Variants in DRC11 observed in about 807,000 individuals in gnomAD.
The protein encoded by DRC11 is IQ and AAA domain-containing protein 1.
the DRC11 span, among the ~76,000 whole-genome samples, chr2:236,468,442 T>C: frequency 1.3e-5 from 2 of 152,182 alleles, no homozygotes; most frequent in Non-Finnish European, 2.9e-5. Context: ...AAAATTACTT[T>C]TTAAAGTAAT....
chr2:236,409,806 T>C, the DRC11 span, among the ~76,000 whole-genome samples: 1 of 151,994 alleles, frequency 6.6e-6, no homozygotes. Context: ...TTATTGAGAG[T>C]TTTTAGCATG....
chr2:236,331,556 T>C, the DRC11 span: 1 of 1,613,970 alleles, frequency 6.2e-7, no homozygotes, highest in East Asian at 2.2e-5. This position sits in a 1 kb window ranked among gnomAD's most constrained non-coding sequence, Gnocchi z 4.8. Context: ...AAGGCACTGG[T>C]GAGGACTCCT....
At chr2:236,446,270 G>A in the DRC11 span, among the ~76,000 whole-genome samples, 5 of 152,130 alleles carry the variant, frequency 3.3e-5, no homozygotes, top group South Asian at 2.1e-4. The surrounding 1 kb of genome is among the most constrained non-coding windows in gnomAD (Gnocchi z 6.2). Context: ...GGCTCAGCAC[G>A]CTACACGAGG....
At chr2:236,451,134 A>G in the DRC11 span, among the ~76,000 whole-genome samples, 1 of 152,122 alleles carries the variant, frequency 6.6e-6, no homozygotes, top group Non-Finnish European at 1.5e-5. Flanking sequence ...TGATTGTTAA[A>G]AATACATTTT....
At chr2:236,319,045 G>C in the DRC11 span, among the ~76,000 whole-genome samples, 1 of 152,198 alleles carries the variant, frequency 6.6e-6, no homozygotes. The surrounding 1 kb of genome is among the most constrained non-coding windows in gnomAD (Gnocchi z 6.7). Flanking sequence ...AAGGGTAGTG[G>C]GAGGATCTGG....
At chr2:236,434,955 C>G in the DRC11 span, among the ~76,000 whole-genome samples, 3 of 152,126 alleles carry the variant, frequency 2.0e-5, no homozygotes, top group African/African-American at 7.2e-5. This position sits in a 1 kb window ranked among gnomAD's most constrained non-coding sequence, Gnocchi z 5.5. Flanking sequence ...CAGGGCTTGA[C>G]AAACTGCCAA....
chr2:236,317,615 T>C, the DRC11 span, among the ~76,000 whole-genome samples: 3 of 152,206 alleles, frequency 2.0e-5, no homozygotes, highest in African/African-American at 7.2e-5. This position sits in a 1 kb window ranked among gnomAD's most constrained non-coding sequence, Gnocchi z 5.4. Flanking sequence ...ATCTCCACTT[T>C]ACATTTTGCT....
the DRC11 span, among the ~76,000 whole-genome samples, chr2:236,416,765 ATAT>A: frequency 1.0e-3 from 100 of 98,898 alleles, no homozygotes; most frequent in South Asian, 2.9e-3. Context: ...ATATATATAT[ATAT>A]AAATAATTTT....
At chr2:236,337,966 C>A in the DRC11 span, among the ~76,000 whole-genome samples, 1 of 152,342 alleles carries the variant, frequency 6.6e-6, no homozygotes, top group East Asian at 1.9e-4. This position sits in a 1 kb window ranked among gnomAD's most constrained non-coding sequence, Gnocchi z 4.9. Context: ...AATCATAATC[C>A]TTGTCCAGTT....
chr2:236,376,971 T>C, the DRC11 span: 19 of 614,848 alleles, frequency 3.1e-5, no homozygotes, highest in East Asian at 3.1e-4. The surrounding 1 kb of genome is among the most constrained non-coding windows in gnomAD (Gnocchi z 5.7). Flanking sequence ...CAACAAACAT[T>C]TACCAGGAGC....
the DRC11 span, among the ~76,000 whole-genome samples, chr2:236,409,583 A>G: frequency 3.3e-5 from 5 of 151,928 alleles, no homozygotes; most frequent in Non-Finnish European, 7.4e-5. Flanking sequence ...CTCTTTTCCT[A>G]ATTGAATACC....
chr2:236,497,901 A>T, the DRC11 span, among the ~76,000 whole-genome samples: 1 of 152,210 alleles, frequency 6.6e-6, no homozygotes, highest in East Asian at 1.9e-4. The surrounding 1 kb of genome is among the most constrained non-coding windows in gnomAD (Gnocchi z 5.1). Context: ...ATTAAGTTGA[A>T]CGTGTGCATA....
the DRC11 span, among the ~76,000 whole-genome samples, chr2:236,331,160 C>T: frequency 7.9e-4 from 120 of 152,316 alleles, no homozygotes; most frequent in African/African-American, 2.8e-3. The surrounding 1 kb of genome is among the most constrained non-coding windows in gnomAD (Gnocchi z 4.8). Flanking sequence ...TAAGGCCACA[C>T]ACCATGGTTT....
At chr2:236,416,747 AT>A in the DRC11 span, among the ~76,000 whole-genome samples, 14 of 56,074 alleles carry the variant, frequency 2.5e-4, 1 homozygote, top group African/African-American at 6.0e-4. Context: ...ATATATATAT[AT>A]ATATATATAT....
chr2:236,410,496 A>T, the DRC11 span, among the ~76,000 whole-genome samples: 63 of 150,996 alleles, frequency 4.2e-4, no homozygotes, highest in Non-Finnish European at 6.9e-4. Flanking sequence ...ATTCAATGCC[A>T]TCCCCATCAA....
chr2:236,375,629 T>C, the DRC11 span, among the ~76,000 whole-genome samples: 1 of 152,208 alleles, frequency 6.6e-6, no homozygotes, highest in Non-Finnish European at 1.5e-5. The surrounding 1 kb of genome is among the most constrained non-coding windows in gnomAD (Gnocchi z 4.2). Context: ...CAAGGCTGTC[T>C]TGCAAAGGGA....
At chr2:236,348,077 T>C in the DRC11 span, among the ~76,000 whole-genome samples, 3 of 152,226 alleles carry the variant, frequency 2.0e-5, no homozygotes. This position sits in a 1 kb window ranked among gnomAD's most constrained non-coding sequence, Gnocchi z 7.4. Flanking sequence ...TCTCTTCATC[T>C]TTGATTTTTA....
At chr2:236,338,165 C>T in the DRC11 span, 3 of 1,589,772 alleles carry the variant, frequency 1.9e-6, no homozygotes, top group Non-Finnish European at 8.6e-7. Flanking sequence ...GACAGCCCAG[C>T]CTCAGCTATC....
the DRC11 span, among the ~76,000 whole-genome samples, chr2:236,406,987 C>G: frequency 1.3e-5 from 2 of 152,244 alleles, no homozygotes; most frequent in Non-Finnish European, 1.5e-5. The surrounding 1 kb of genome is among the most constrained non-coding windows in gnomAD (Gnocchi z 4.7). Flanking sequence ...CCTCGTGATC[C>G]GCCTGCCTCG....
Sources: allele counts gnomAD v4.1 joint callset (sites outside exome capture counted in the v4.1 genomes callset), GRCh38; gene constraint gnomAD v4.1.1; non-coding constraint Gnocchi (gnomAD v3.1); transcripts MANE v1.5; gene names NCBI Gene and HGNC (gene_info 2026-07-23, HGNC 2026-07-21).